The following HS3ST4 variants were observed in gnomAD, a reference collection of about 807,000 sequenced individuals.
The protein encoded by HS3ST4 is heparan sulfate glucosamine 3-O-sulfotransferase 4.
In HS3ST4, 17 loss-of-function variants were observed where a neutral mutation model predicts 29.2. That is an observed-to-expected ratio of 0.58 (90% CI 0.40 to 0.87). The LOEUF (loss-of-function observed/expected upper bound fraction) is 0.87. HS3ST4 is among the 40% of genes least tolerant of loss of function. HS3ST4 has a pLI of 0.00. For synonymous variants in HS3ST4, 314 were observed against 285.7 expected, an observed-to-expected ratio of 1.10 and a Z score of -1.00; for missense variants, 627 against 634.5, an observed-to-expected ratio of 0.99 and a Z score of 0.13.
At chr16:25,888,530 C>A (rs141512454) in intron 1 of HS3ST4, among the ~76,000 whole-genome samples, 1,798 of 152,322 alleles carry the variant, frequency 0.012, 19 homozygotes, top group South Asian at 0.021. Flanking sequence ...GCAGCATTGG[C>A]TCTGTCTGTC....
At chr16:25,920,072 G>A (rs538158411) in intron 1 of HS3ST4, among the ~76,000 whole-genome samples, 1 of 152,216 alleles carries the variant, frequency 6.6e-6, no homozygotes, top group Admixed American at 6.5e-5. Flanking sequence ...CCACTGTACT[G>A]TCTTTGGTTT....
At chr16:26,015,588 T>C (rs1019782889) in intron 1 of HS3ST4, among the ~76,000 whole-genome samples, 2 of 152,202 alleles carry the variant, frequency 1.3e-5, no homozygotes, top group Admixed American at 6.5e-5. Context: ...TCCCTAGAGG[T>C]TAGACTAACA....
At chr16:25,851,120 T>C (rs1967516909) in intron 1 of HS3ST4, among the ~76,000 whole-genome samples, 1 of 152,200 alleles carries the variant, frequency 6.6e-6, no homozygotes, top group African/African-American at 2.4e-5. Flanking sequence ...GTGGCACTGA[T>C]AAATAAATAG....
chr16:26,119,709 C>T (rs1039357139), intron 1 of HS3ST4, among the ~76,000 whole-genome samples: 1 of 152,142 alleles, frequency 6.6e-6, no homozygotes, highest in African/African-American at 2.4e-5. Context: ...TTCTGCTTTT[C>T]ATTATTTCTT....
intron 1 of HS3ST4, among the ~76,000 whole-genome samples, chr16:25,721,252 G>A (rs1410821141): frequency 6.6e-6 from 1 of 152,088 alleles, no homozygotes; most frequent in Admixed American, 6.6e-5. Flanking sequence ...AAATGTGCCT[G>A]TGGTGTGTGT....
At chr16:26,119,741 T>C (rs1899247157) in intron 1 of HS3ST4, among the ~76,000 whole-genome samples, 1 of 152,204 alleles carries the variant, frequency 6.6e-6, no homozygotes, top group Non-Finnish European at 1.5e-5. Context: ...CAAATATTTA[T>C]CGAGGCCTAC....
At chr16:25,911,787 G>A (rs1452151682) in intron 1 of HS3ST4, among the ~76,000 whole-genome samples, 2 of 152,052 alleles carry the variant, frequency 1.3e-5, no homozygotes, top group South Asian at 2.1e-4. Flanking sequence ...GGGATTACAG[G>A]TATGAGCCAT....
intron 1 of HS3ST4, among the ~76,000 whole-genome samples, chr16:26,023,691 G>A (rs1430605635): frequency 2.0e-5 from 3 of 151,912 alleles, no homozygotes; most frequent in Non-Finnish European, 4.4e-5. Flanking sequence ...ATAGACATGA[G>A]CCATCCCACC....
intron 1 of HS3ST4, among the ~76,000 whole-genome samples, chr16:26,114,372 C>G (rs1291027761): frequency 1.3e-5 from 2 of 152,136 alleles, no homozygotes; most frequent in Non-Finnish European, 2.9e-5. Flanking sequence ...ATGCCCAAAG[C>G]TGGCATGAAA....
At chr16:26,065,521 G>T (rs1330710074) in intron 1 of HS3ST4, among the ~76,000 whole-genome samples, 1 of 152,100 alleles carries the variant, frequency 6.6e-6, no homozygotes, top group Non-Finnish European at 1.5e-5. Flanking sequence ...TAGCTAATGG[G>T]TAGTGGGCTT....
At chr16:25,911,419 G>T in intron 1 of HS3ST4, among the ~76,000 whole-genome samples, 1 of 151,108 alleles carries the variant, frequency 6.6e-6, no homozygotes, top group Non-Finnish European at 1.5e-5. Flanking sequence ...AACCCTGGGC[G>T]TTCTCTCCTC....
At chr16:25,820,065 A>AAG (rs1967134867) in intron 1 of HS3ST4, among the ~76,000 whole-genome samples, 1 of 143,636 alleles carries the variant, frequency 7.0e-6, no homozygotes, top group Non-Finnish European at 1.5e-5. Flanking sequence ...AGAAAAAAAG[A>AAG]GGAAAGGATT....
intron 1 of HS3ST4, among the ~76,000 whole-genome samples, chr16:25,702,741 T>C (rs1966342368): frequency 1.3e-5 from 2 of 152,210 alleles, no homozygotes; most frequent in Admixed American, 1.3e-4. Flanking sequence ...GCAAAATAAC[T>C]GTCACTGTTT....
At chr16:25,851,581 G>A (rs1300311123) in intron 1 of HS3ST4, among the ~76,000 whole-genome samples, 1 of 152,124 alleles carries the variant, frequency 6.6e-6, no homozygotes, top group Non-Finnish European at 1.5e-5. Context: ...AGTGACCAGA[G>A]GTAGTTGAAA....
intron 1 of HS3ST4, among the ~76,000 whole-genome samples, chr16:25,840,962 T>C (rs1419562188): frequency 6.8e-6 from 1 of 147,352 alleles, no homozygotes; most frequent in Non-Finnish European, 1.5e-5. Context: ...TTACTTTAAT[T>C]TATATTTGTT....
At chr16:25,907,155 C>T (rs1024332787) in intron 1 of HS3ST4, among the ~76,000 whole-genome samples, 2 of 152,096 alleles carry the variant, frequency 1.3e-5, no homozygotes, top group African/African-American at 4.8e-5. Flanking sequence ...ATGATGGCAC[C>T]ACTGCACTCC....
At chr16:25,871,440 C>T (rs567999437) in intron 1 of HS3ST4, among the ~76,000 whole-genome samples, 2 of 152,174 alleles carry the variant, frequency 1.3e-5, no homozygotes, top group South Asian at 2.1e-4. Context: ...GGAAAAATTA[C>T]AGCCACATGT....
chr16:26,104,163 C>T (rs1899022501), intron 1 of HS3ST4, among the ~76,000 whole-genome samples: 1 of 152,088 alleles, frequency 6.6e-6, no homozygotes, highest in African/African-American at 2.4e-5. Context: ...TTTCGTAGAC[C>T]TCAGTGTTAC....
chr16:26,081,839 A>C (rs2141783121), intron 1 of HS3ST4, among the ~76,000 whole-genome samples: 2 of 114,584 alleles, frequency 1.7e-5, no homozygotes, highest in South Asian at 5.8e-4. Flanking sequence ...CTTGTTGCCC[A>C]GGTTGGAGTA....
Sources: allele counts gnomAD v4.1 joint callset (sites outside exome capture counted in the v4.1 genomes callset), GRCh38; gene constraint gnomAD v4.1.1; transcripts MANE v1.5; gene names NCBI Gene and HGNC (gene_info 2026-07-23, HGNC 2026-07-21).